The following TMPRSS9 variants were observed in gnomAD, a reference collection of about 807,000 sequenced individuals.
TMPRSS9 encodes the protein transmembrane protease serine 9.
Under a neutral mutation model 111.4 loss-of-function variants are expected in TMPRSS9, and 113 were observed. The observed-to-expected ratio is 1.01, with a 90% CI of 0.87 to 1.19. TMPRSS9 has a LOEUF of 1.19. Ranked by LOEUF, TMPRSS9 falls within the 50% of genes most tolerant of loss-of-function variation. The pLI is 0.00. For missense variants in TMPRSS9, 1,803 were observed against 1,513.1 expected, an observed-to-expected ratio of 1.19 and a Z score of -3.18; for synonymous variants, 805 against 659.1, an observed-to-expected ratio of 1.22 and a Z score of -3.39.
chr19:2,410,990 C>T (rs889253081), intron 9 of TMPRSS9, among the ~76,000 whole-genome samples: 4 of 152,050 alleles, frequency 2.6e-5, no homozygotes, highest in Non-Finnish European at 5.9e-5. Flanking sequence ...CATGAGTGAG[C>T]TGCAGGCTCA....
intron 1 of TMPRSS9, among the ~76,000 whole-genome samples, chr19:2,367,739 AT>A (rs1290957852): frequency 2.0e-5 from 3 of 151,816 alleles, no homozygotes; most frequent in South Asian, 4.2e-4. Context: ...AATTTTTTGT[AT>A]TTTTAGTAGA....
At chr19:2,412,420 T>C (rs1186680293) in intron 9 of TMPRSS9, among the ~76,000 whole-genome samples, 1 of 152,050 alleles carries the variant, frequency 6.6e-6, no homozygotes, top group Non-Finnish European at 1.5e-5. Context: ...AATTGAAAAT[T>C]TAAAAATGTC....
At chr19:2,406,240 G>C (rs1170154730) in intron 7 of TMPRSS9, among the ~76,000 whole-genome samples, 6 of 146,550 alleles carry the variant, frequency 4.1e-5, no homozygotes, top group Non-Finnish European at 6.0e-5. Context: ...GGATGGTCTC[G>C]ATCTCCTGAC....
intron 8 of TMPRSS9, among the ~76,000 whole-genome samples, chr19:2,409,139 A>ATT (rs534247160): frequency 1.5e-5 from 2 of 131,286 alleles, no homozygotes; most frequent in East Asian, 2.2e-4. Flanking sequence ...TGCTACTGCG[A>ATT]TTTTTTTTTT....
At chr19:2,371,277 G>A (rs1018319297) in intron 1 of TMPRSS9, among the ~76,000 whole-genome samples, 1 of 152,224 alleles carries the variant, frequency 6.6e-6, no homozygotes, top group Admixed American at 6.6e-5. Context: ...TCGTGGCTCT[G>A]CTAACAAAGT....
At chr19:2,387,367 C>T (rs1017090590), upstream of TMPRSS9, among the ~76,000 whole-genome samples, 9 of 152,210 alleles carry the variant, frequency 5.9e-5, no homozygotes, top group Admixed American at 2.6e-4. Flanking sequence ...TGGTGCTGGG[C>T]GCCTGTAATC....
At chr19:2,367,930 C>T (rs149030810) in intron 1 of TMPRSS9, among the ~76,000 whole-genome samples, 1,685 of 152,094 alleles carry the variant, frequency 0.011, 37 homozygotes, top group African/African-American at 0.036. Flanking sequence ...AGGCTGGTCT[C>T]GAACTCTGGA....
intron 14 of TMPRSS9, among the ~76,000 whole-genome samples, chr19:2,423,673 G>C (rs1971520069): frequency 6.6e-6 from 1 of 152,130 alleles, no homozygotes; most frequent in South Asian, 2.1e-4. Flanking sequence ...CTTTGCGCTT[G>C]GCACCGTCTG....
chr19:2,380,733 C>T (rs1414533996), intron 1 of TMPRSS9, among the ~76,000 whole-genome samples: 1 of 152,104 alleles, frequency 6.6e-6, no homozygotes, highest in African/African-American at 2.4e-5. Flanking sequence ...AATCCTGACC[C>T]CAGGAAGTGA....
intron 15 of TMPRSS9, among the ~76,000 whole-genome samples, chr19:2,424,543 C>A (rs1599321456): frequency 6.8e-6 from 1 of 146,532 alleles, no homozygotes; most frequent in East Asian, 2.0e-4. Flanking sequence ...GGCCCCCCCC[C>A]TCCAGCTCCA....
chr19:2,407,878 G>T (rs373364890), intron 7 of TMPRSS9, among the ~76,000 whole-genome samples: 1 of 151,992 alleles, frequency 6.6e-6, no homozygotes, highest in Middle Eastern at 3.4e-3. Flanking sequence ...TCCACCTCCC[G>T]GGTTCAAGCA....
rs193099792 is a variant in TMPRSS9, at chr19:2,407,523, T to C, written c.843-833T>C. Reference sequence around the variant, plus strand: ...GTCTGGGAGACAGAGCGAGACTCTGTCTCAAAAAAACAAAACAAAACAAAA... The same window carrying C: ...GTCTGGGAGACAGAGCGAGACTCTGCCTCAAAAAAACAAAACAAAACAAAA... On this transcript the variant is annotated intron_variant, in intron 7 of 17. Transcript: ENST00000648592. Among the ~76,000 whole-genome samples the C allele has an allele frequency of 7.2e-4, 109 of 150,804 alleles. 1 individual carries two copies. The highest frequency in any genetic ancestry group is 2.3e-3 in the African/African-American group (96 of 41,104).
chr19:2,390,672 A>G (rs1420943895), intron 1 of TMPRSS9, among the ~76,000 whole-genome samples: 1 of 151,614 alleles, frequency 6.6e-6, no homozygotes, highest in African/African-American at 2.4e-5. Flanking sequence ...CCTAGGCAAC[A>G]TGATAAAGCC....
chr19:2,403,594 C>T (rs933913123), intron 6 of TMPRSS9, among the ~76,000 whole-genome samples: 1 of 151,852 alleles, frequency 6.6e-6, no homozygotes, highest in East Asian at 1.9e-4. Flanking sequence ...CGGTGGCTCA[C>T]ACCTGTCATC....
chr19:2,425,327 A>ACCCGCCCCGTCTCGCTCG, intron 16 of TMPRSS9, 30 bp from the exon 18 acceptor site: 1 of 1,380,478 alleles, frequency 7.2e-7, no homozygotes, highest in Non-Finnish European at 9.4e-7. Flanking sequence ...CGCGGTCCCC[A>ACCCGCCCCGTCTCGCTCG]CCCGCCCCGT....
intron 1 of TMPRSS9, among the ~76,000 whole-genome samples, chr19:2,378,908 A>G (rs1244764561): frequency 6.6e-6 from 1 of 152,154 alleles, no homozygotes. Context: ...CCCCTTATAA[A>G]ACCATAAGAT....
chr19:2,368,679 T>A (rs1371370924), intron 1 of TMPRSS9, among the ~76,000 whole-genome samples: 1 of 151,492 alleles, frequency 6.6e-6, no homozygotes, highest in East Asian at 1.9e-4. Context: ...AGACATGGCG[T>A]AGGGGCCCAA....
At chr19:2,413,567 C>T (rs1971144621) in intron 9 of TMPRSS9, 133 bp from the exon 11 acceptor site, 7 of 988,950 alleles carry the variant, frequency 7.1e-6, no homozygotes, top group African/African-American at 1.6e-5. Context: ...ATGATCAGCC[C>T]CAGGTGCTCT....
exon 14 of TMPRSS9, chr19:2,422,053 T>C (rs1374888280): frequency 1.2e-6 from 2 of 1,612,198 alleles, no homozygotes; most frequent in East Asian, 2.2e-5. Flanking sequence ...ACAAGGATGC[T>C]GGCCACCACC....
Sources: gnomAD v4.1 joint callset for allele counts (sites outside exome capture counted in the v4.1 genomes callset) on GRCh38, gnomAD v4.1.1 for gene constraint, MANE v1.5 for transcripts, NCBI Gene and HGNC (gene_info 2026-07-23, HGNC 2026-07-21) for gene names.